The following JAKMIP1 variants were observed in gnomAD, a reference collection of about 807,000 sequenced individuals.
JAKMIP1 encodes the protein janus kinase and microtubule interacting protein 1.
A neutral mutation model predicts 113.0 loss-of-function variants in JAKMIP1; 33 were observed. That is an observed-to-expected ratio of 0.29 (90% confidence interval 0.22 to 0.39). The LOEUF (loss-of-function observed/expected upper bound fraction) is 0.39. JAKMIP1 is among the 10% of genes least tolerant of loss of function. The pLI is 1.00. For synonymous variants in JAKMIP1, 480 were observed against 459.9 expected (o/e 1.04, Z -0.56); for missense variants, 813 against 1,080.5 (o/e 0.75, Z 3.47).
rs182824523 is a variant in JAKMIP1, at chr4:6,153,706, A to T, written c.-147-40709T>A. Among the ~76,000 whole-genome samples the T allele has an allele frequency of 2.6e-3, 398 of 152,148 alleles. 1 individual carries two copies. Among genetic ancestry groups the T allele is most frequent in the Middle Eastern group, 0.017 (5 of 294 alleles). ...CTTTAACACTACTGACTTTTGAAAA[A>T]CCTGTACACTACTTCAGCCTTATTC... is the stretch of plus-strand genomic sequence containing the variant. On this transcript the variant is annotated intron_variant, in intron 1 of 20. Transcript: ENST00000409021. The surrounding 1 kb of genome is among the most constrained non-coding windows in gnomAD (Gnocchi z 4.9).
chr4:6,169,178 G>A (rs146949015), intron 1 of JAKMIP1, among the ~76,000 whole-genome samples: 2 of 152,196 alleles, frequency 1.3e-5, no homozygotes, highest in Non-Finnish European at 2.9e-5. Flanking sequence ...TCATGTATTG[G>A]GTTGAATAGT....
At chr4:6,147,423 C>A (rs1255745531) in intron 1 of JAKMIP1, among the ~76,000 whole-genome samples, 2 of 152,146 alleles carry the variant, frequency 1.3e-5, no homozygotes, top group African/African-American at 4.8e-5. Flanking sequence ...AATGTCTGGG[C>A]AATGGCCTGG....
At chr4:6,149,524 A>G (rs978149299) in intron 1 of JAKMIP1, among the ~76,000 whole-genome samples, 4 of 152,176 alleles carry the variant, frequency 2.6e-5, no homozygotes, top group Non-Finnish European at 5.9e-5. Context: ...CCTGAAACCA[A>G]CTCGCACTCG....
chr4:6,176,402 T>C lies in JAKMIP1; in HGVS notation c.-148+23851A>G, dbSNP rs994797538. ...AAACATTTTAGGAGGCAAAACCAGA[T>C]AGGACCTCCAGCCTAGCTGAACGGG... On this transcript the variant is annotated intron_variant, in intron 1 of 20. Coordinates refer to ENST00000409021, the MANE Select transcript of JAKMIP1 (RefSeq NM_001099433.2). The surrounding 1 kb of genome is among the most constrained non-coding windows in gnomAD (Gnocchi z 5.5). Among the ~76,000 whole-genome samples the C allele has an allele frequency of 5.3e-5, 8 of 152,176 alleles. No homozygotes were observed. Among genetic ancestry groups the C allele is most frequent in the African/African-American group, 2.4e-5 (1 of 41,440 alleles).
intron 1 of JAKMIP1, among the ~76,000 whole-genome samples, chr4:6,121,618 C>T (rs62284815): frequency 6.6e-6 from 1 of 152,364 alleles, no homozygotes; most frequent in Non-Finnish European, 1.5e-5. Context: ...AGGGAGCACA[C>T]AGCAAACGTG....
intron 1 of JAKMIP1, among the ~76,000 whole-genome samples, chr4:6,134,302 T>C (rs1718929818): frequency 6.6e-6 from 1 of 152,178 alleles, no homozygotes; most frequent in African/African-American, 2.4e-5. Context: ...TTAAACCGCT[T>C]TTCTTTATAA....
chr4:6,033,821 CT>C (rs759870362), intron 19 of JAKMIP1, among the ~76,000 whole-genome samples: 7 of 152,206 alleles, frequency 4.6e-5, no homozygotes, highest in Non-Finnish European at 8.8e-5. Context: ...TTGCAATACT[CT>C]TTTGAAAATA....
rs1331656476 is a variant in JAKMIP1 at position 6,031,346 on chromosome 4, G to A, written c.2380-1565C>T. ...ACAGGAGAATTGCTTGAACCTGGGAGGTGGAGGTTGCGGTGAGCTGAGATC... is the reference window on the plus strand; with the variant it reads ...ACAGGAGAATTGCTTGAACCTGGGAAGTGGAGGTTGCGGTGAGCTGAGATC... On this transcript the variant is annotated intron_variant, in intron 19 of 20. Transcript: ENST00000409021. This position sits in a 1 kb window ranked among gnomAD's most constrained non-coding sequence, Gnocchi z 4.4. 6.6e-6 allele frequency among the ~76,000 whole-genome samples: 1 copy of A among 152,180 alleles called. No homozygotes were observed. Among genetic ancestry groups the A allele is most frequent in the Non-Finnish European group, 1.5e-5 (1 of 68,040 alleles).
chr4:6,034,745 GA>G (rs1287974154), intron 19 of JAKMIP1, among the ~76,000 whole-genome samples: 5 of 152,192 alleles, frequency 3.3e-5, no homozygotes, highest in African/African-American at 1.2e-4. Context: ...AGGTTGCAGG[GA>G]GCTGAGATCG....
chr4:6,165,540 G>T (rs1036669535), intron 1 of JAKMIP1, among the ~76,000 whole-genome samples: 1 of 152,186 alleles, frequency 6.6e-6, no homozygotes, highest in Non-Finnish European at 1.5e-5. Context: ...GACCTCAAGT[G>T]ACTTGCCACT....
rs1719582511 is a variant in JAKMIP1 at position 6,138,431 on chromosome 4, T to G, written c.-147-25434A>C. Among the ~76,000 whole-genome samples the G allele has an allele frequency of 6.6e-6, 1 of 152,022 alleles. No homozygotes were observed. The highest frequency in any genetic ancestry group is 6.5e-5 in the Admixed American group (1 of 15,276). On this transcript the variant is annotated intron_variant, in intron 1 of 20. Transcript: ENST00000409021. The surrounding 1 kb of genome is among the most constrained non-coding windows in gnomAD (Gnocchi z 6.0). ...TTTGTATTTTTAGTAGAGATGGGGT[T>G]TCGCCATGTTGACCAGGCTGGTCTC...
rs1714686580 is a variant in JAKMIP1, at chr4:6,044,070, T to C, written c.2029-1843A>G. Among the ~76,000 whole-genome samples the C allele has an allele frequency of 1.3e-5, 2 of 152,014 alleles. No homozygotes were observed. The highest frequency in any genetic ancestry group is 2.1e-4 in the South Asian group (1 of 4,822). ...CTAGCATCACTCAGTCTTCAGGCCC[T>C]GAGCTAGCTGTCACCTCCTCCAGGA... On this transcript the variant is annotated intron_variant, in intron 16 of 20. Transcript: ENST00000409021. The surrounding 1 kb of genome is among the most constrained non-coding windows in gnomAD (Gnocchi z 4.4).
Position 6,040,575 on chromosome 4 carries a change from G to A in JAKMIP1, c.2175+64C>T. On this transcript the variant is annotated intron_variant, in intron 18 of 20. Transcript: ENST00000409021. This position sits in a 1 kb window ranked among gnomAD's most constrained non-coding sequence, Gnocchi z 5.8. ...CCCTAAATGCAGTTTCAGCCCCAGA[G>A]GAAAAAGCAGCCTCTAATGTGGAGT... is the stretch of plus-strand genomic sequence containing the variant. 1.6e-6 allele frequency: 2 copies of A among 1,226,134 alleles called. No homozygotes were observed. Among genetic ancestry groups the A allele is most frequent in the Non-Finnish European group, 2.4e-6 (2 of 835,886 alleles). 76.0% of individuals were successfully genotyped at this position (1,226,134 alleles called of 1,614,324 possible).
intron 10 of JAKMIP1, 130 bp downstream of exon 10, chr4:6,062,182 C>A: frequency 2.1e-6 from 2 of 956,090 alleles, no homozygotes; most frequent in East Asian, 4.8e-5. Context: ...AGAGACCTTG[C>A]TATGGGTTCC....
At chr4:6,101,684 C>T (rs766533120) in intron 3 of JAKMIP1, among the ~76,000 whole-genome samples, 4 of 140,548 alleles carry the variant, frequency 2.8e-5, no homozygotes, top group East Asian at 2.1e-4. Flanking sequence ...ATCAGGAGTT[C>T]GAGACCAACC....
intron 3 of JAKMIP1, among the ~76,000 whole-genome samples, chr4:6,092,045 T>A (rs1015362946): frequency 6.6e-6 from 1 of 152,030 alleles, no homozygotes; most frequent in African/African-American, 2.4e-5. Flanking sequence ...ACATTGAGGG[T>A]GCGGAATAAA....
intron 3 of JAKMIP1, among the ~76,000 whole-genome samples, chr4:6,096,987 A>G (rs1297637993): frequency 1.3e-5 from 2 of 152,178 alleles, no homozygotes; most frequent in African/African-American, 4.8e-5. Context: ...TGGCATCACC[A>G]TCATTCCTGA....
intron 1 of JAKMIP1, among the ~76,000 whole-genome samples, chr4:6,164,948 A>C (rs1300705326): frequency 6.6e-6 from 1 of 152,262 alleles, no homozygotes. Context: ...CACTGTTAAA[A>C]TGACAGCAAA....
At position 6,183,755 on chromosome 4, in the gene JAKMIP1, G is replaced by A. The variant is rs1177261502; in HGVS notation, c.-148+16498C>T. ...TTAACCCTGGTAGACCCCACTGCAG[G>A]GACCTGGGCTGCCAGGTGAACACTC... is the stretch of plus-strand genomic sequence containing the variant. On this transcript the variant is annotated intron_variant, in intron 1 of 20. Transcript: ENST00000409021. This position sits in a 1 kb window ranked among gnomAD's most constrained non-coding sequence, Gnocchi z 5.3. 1.3e-5 allele frequency among the ~76,000 whole-genome samples: 2 copies of A among 152,248 alleles called. No homozygotes were observed. The highest frequency in any genetic ancestry group is 3.4e-3 in the Middle Eastern group (1 of 294).
Sources: allele counts gnomAD v4.1 joint callset (sites outside exome capture counted in the v4.1 genomes callset), GRCh38; gene constraint gnomAD v4.1.1; non-coding constraint Gnocchi (gnomAD v3.1); transcripts MANE v1.5; gene names NCBI Gene and HGNC (gene_info 2026-07-23, HGNC 2026-07-21).